The following PLOD1 variants were observed in gnomAD, a reference collection of about 807,000 sequenced individuals.
PLOD1 encodes the protein procollagen-lysine,2-oxoglutarate 5-dioxygenase 1.
A neutral mutation model predicts 94.7 loss-of-function variants in PLOD1; 70 were observed. That is an observed-to-expected ratio of 0.74 (90% CI 0.61 to 0.90). The LOEUF is 0.90. Ranked by LOEUF, PLOD1 falls within the 40% of genes least tolerant of loss-of-function variation. The pLI is 0.00. For missense variants in PLOD1, 905 were observed against 972.7 expected (o/e 0.93, Z 0.93); for synonymous variants, 417 against 400.2 (o/e 1.04, Z -0.50).
At chr1:11,949,157 A>G (rs1366520186) in intron 2 of PLOD1, among the ~76,000 whole-genome samples, 1 of 152,176 alleles carries the variant, frequency 6.6e-6, no homozygotes, top group East Asian at 1.9e-4. Flanking sequence ...CTTCAGCAGA[A>G]GGAGACAGGC....
intron 1 of PLOD1, among the ~76,000 whole-genome samples, chr1:11,944,837 G>T (rs1645639540): frequency 6.6e-6 from 1 of 152,240 alleles, no homozygotes; most frequent in South Asian, 2.1e-4. Context: ...GCCAGCTCTG[G>T]CAAGCCAGGC....
intron 1 of PLOD1, among the ~76,000 whole-genome samples, chr1:11,941,863 T>C (rs190493661): frequency 1.7e-3 from 258 of 152,342 alleles, no homozygotes; most frequent in African/African-American, 6.1e-3. Flanking sequence ...TTTGTATTTT[T>C]AGTAGAGACG....
At chr1:11,936,952 A>T (rs1208677883) in intron 1 of PLOD1, among the ~76,000 whole-genome samples, 3 of 151,374 alleles carry the variant, frequency 2.0e-5, no homozygotes. Context: ...GGTTCAAGCG[A>T]TTCTCCTGCC....
chr1:11,967,570 T>C (rs1395343076), intron 16 of PLOD1, among the ~76,000 whole-genome samples: 3 of 132,410 alleles, frequency 2.3e-5, no homozygotes, highest in African/African-American at 3.3e-5. Context: ...GTACCATTTT[T>C]TTTTTTCTTT....
At chr1:11,936,976 T>A (rs1645583839) in intron 1 of PLOD1, among the ~76,000 whole-genome samples, 1 of 152,040 alleles carries the variant, frequency 6.6e-6, no homozygotes, top group Non-Finnish European at 1.5e-5. Flanking sequence ...ATCTCCCTAG[T>A]GGCTGGGATT....
chr1:11,956,243 G>T (rs887920095), intron 6 of PLOD1, among the ~76,000 whole-genome samples: 9 of 152,106 alleles, frequency 5.9e-5, no homozygotes, highest in Middle Eastern at 3.2e-3. Flanking sequence ...AATTAGCTGG[G>T]TGTGGTGGCA....
chr1:11,969,779 C>T (rs1345441869), intron 16 of PLOD1, among the ~76,000 whole-genome samples: 2 of 152,206 alleles, frequency 1.3e-5, no homozygotes, highest in Non-Finnish European at 2.9e-5. Flanking sequence ...TAACTTGCTT[C>T]TTCAAGGCCA....
At chr1:11,961,469 C>A (rs898075430) in intron 10 of PLOD1, among the ~76,000 whole-genome samples, 1 of 152,232 alleles carries the variant, frequency 6.6e-6, no homozygotes, top group African/African-American at 2.4e-5. Context: ...TGGCAAACTT[C>A]CTGCTAAGGA....
At chr1:11,944,804 C>G (rs1645639275) in intron 1 of PLOD1, 1 of 501,122 alleles carries the variant, frequency 2.0e-6, no homozygotes, top group Non-Finnish European at 3.2e-6. Flanking sequence ...CCCGGCTACC[C>G]CTGCCCCAGC....
chr1:11,950,570 C>G, intron 4 of PLOD1, 50 bp downstream of exon 4: 1 of 1,573,302 alleles, frequency 6.4e-7, no homozygotes, highest in Non-Finnish European at 8.7e-7. Flanking sequence ...GGTCCATCTA[C>G]TGCCTTTGTG....
In PLOD1 at chr1:11,966,322, G is replaced by C; in HGVS notation, c.1650+6G>C. ...CAGGGAAGCTGGTGGAGACGGTAAG[G>C]GCCATGGACACCCTCTTGGACCAGC... is the stretch of plus-strand genomic sequence containing the variant. On this transcript the variant is annotated splice_donor_region_variant and intron_variant, in intron 15 of 18. Coordinates refer to ENST00000196061, the MANE Select transcript of PLOD1 (RefSeq NM_000302.4). 6.3e-7 allele frequency: 1 copy of C among 1,599,676 alleles called. No individual in the cohort carries two copies. Among genetic ancestry groups the C allele is most frequent in the Non-Finnish European group, 8.5e-7 (1 of 1,171,472 alleles).
chr1:11,973,851 G>A (rs1040669), intron 18 of PLOD1, among the ~76,000 whole-genome samples: 82,768 of 151,786 alleles, frequency 0.55, 24,018 homozygotes, highest in African/African-American at 0.73. Context: ...CCTAATCCAA[G>A]GATTCTCAAC....
At position 11,973,002 on chromosome 1, in the gene PLOD1, G is replaced by A; in HGVS notation, c.2028+5G>A. On this transcript the variant is annotated splice_donor_5th_base_variant and intron_variant, in intron 18 of 18. Coordinates refer to ENST00000196061, the MANE Select transcript of PLOD1 (RefSeq NM_000302.4). ...CGAGTCGGGGTGGATTACGAGGTGA[G>A]CAGGAGCCAGCCGGGGTCAAGGGGC... 6.2e-7 allele frequency: 1 copy of A among 1,613,878 alleles called. No individual in the cohort carries two copies. The highest frequency in any genetic ancestry group is 2.2e-5 in the East Asian group (1 of 44,878).
chr1:11,934,951 G>A, intron 1 of PLOD1, 96 bp downstream of exon 1: 2 of 1,407,670 alleles, frequency 1.4e-6, no homozygotes, highest in Non-Finnish European at 1.9e-6. Flanking sequence ...GGAGGCCTGG[G>A]CTGGAGAGGG....
At chr1:11,938,872 A>G (rs975406254) in intron 1 of PLOD1, among the ~76,000 whole-genome samples, 1 of 152,118 alleles carries the variant, frequency 6.6e-6, no homozygotes, top group African/African-American at 2.4e-5. Flanking sequence ...CTGAGGGAAG[A>G]GATGTTGCGC....
At chr1:11,949,079 C>T (rs768041233) in intron 2 of PLOD1, among the ~76,000 whole-genome samples, 1 of 152,094 alleles carries the variant, frequency 6.6e-6, no homozygotes, top group Non-Finnish European at 1.5e-5. Flanking sequence ...CATCTCTAGG[C>T]CCTGTTTGTT....
Position 11,972,944 on chromosome 1 carries a change from G to A in PLOD1, c.1975G>A (p.Ala659Thr). ...GCCCTCACTGATGCCACACCATGATGCCTCCACCTTCACCATCAACATCGC... is the reference window on the plus strand; with the variant it reads ...GCCCTCACTGATGCCACACCATGATACCTCCACCTTCACCATCAACATCGC... Reference protein sequence around the residue: ...EQPSLMPHHDASTFTINIALN... With the variant: ...EQPSLMPHHDTSTFTINIALN... The change falls in exon 18 of 19, where the codon GCC (alanine) becomes ACC (threonine). Residue 659 changes from alanine (A) to threonine (T), a missense_variant. Physicochemically the swap from Ala to Thr is moderately conservative, Grantham distance 58. Transcript: ENST00000196061. This position sits in a 1 kb window ranked among gnomAD's most constrained non-coding sequence, Gnocchi z 4.6. The A allele has an allele frequency of 1.9e-6, 3 of 1,614,130 alleles. No homozygotes were observed. Among genetic ancestry groups the A allele is most frequent in the Non-Finnish European group, 2.5e-6 (3 of 1,180,002 alleles).
intron 1 of PLOD1, chr1:11,944,383 G>T: frequency 2.5e-6 from 1 of 395,780 alleles, no homozygotes; most frequent in Non-Finnish European, 4.7e-6. Flanking sequence ...GAGTTCAAGA[G>T]CCTGTTCCAT....
chr1:11,937,877 G>A (rs558576669), intron 1 of PLOD1, among the ~76,000 whole-genome samples: 3 of 151,394 alleles, frequency 2.0e-5, no homozygotes, highest in Non-Finnish European at 2.9e-5. Context: ...AGTCTGAGTT[G>A]GGCCCTTTGC....
Sources: allele counts gnomAD v4.1 joint callset (sites outside exome capture counted in the v4.1 genomes callset), GRCh38; gene constraint gnomAD v4.1.1; non-coding constraint Gnocchi (gnomAD v3.1); transcripts MANE v1.5; gene names NCBI Gene and HGNC (gene_info 2026-07-23, HGNC 2026-07-21).